The following CPS1 variants were observed in gnomAD, a reference collection of about 807,000 sequenced individuals.
CPS1 encodes the protein carbamoyl-phosphate synthase 1.
CPS1 carries 109 observed loss-of-function variants against 174.6 expected under a neutral mutation model. The observed-to-expected ratio is 0.62, with a 90% confidence interval of 0.53 to 0.73. The LOEUF (loss-of-function observed/expected upper bound fraction) is 0.73, where lower values mean the gene tolerates loss of function less well. Among genes scored for constraint, CPS1 ranks in the 30% least tolerant of loss-of-function variants. The pLI is 0.00. For missense variants in CPS1, 1,689 were observed against 1,821.9 expected (o/e 0.93, Z 1.33); for synonymous variants, 637 against 632.0 (o/e 1.01, Z -0.12).
intron 1 of CPS1, among the ~76,000 whole-genome samples, chr2:210,506,793 C>CCAGT: frequency 6.6e-6 from 1 of 151,988 alleles, no homozygotes; most frequent in Non-Finnish European, 1.5e-5. Flanking sequence ...GAAGATCAAA[C>CCAGT]GAATGAAATG....
chr2:210,677,005 A>G lies in CPS1; in HGVS notation c.4275-2A>G. ...TCTATAAGTTTTTGTTTATTTTTCC[A>G]GATTGATTAGAGATGGCAGCATTGA... On this transcript the variant is annotated splice_acceptor_variant, in intron 36 of 37. Coordinates refer to ENST00000233072, the MANE Select transcript of CPS1 (RefSeq NM_001875.5). LOFTEE classifies it high-confidence loss of function. 1 of 1,613,084 alleles carries G rather than the reference A, an allele frequency of 6.2e-7. No individual in the cohort carries two copies. Among genetic ancestry groups the G allele is most frequent in the Non-Finnish European group, 8.5e-7 (1 of 1,179,136 alleles).
At chr2:210,635,586 C>G (rs1049228260) in intron 21 of CPS1, among the ~76,000 whole-genome samples, 2 of 152,088 alleles carry the variant, frequency 1.3e-5, no homozygotes, top group South Asian at 4.1e-4. Context: ...ATTAGTTTTT[C>G]AATTTAAATA....
chr2:210,606,459 G>T (rs1698913405), intron 17 of CPS1, among the ~76,000 whole-genome samples: 2 of 151,864 alleles, frequency 1.3e-5, no homozygotes, highest in Non-Finnish European at 2.9e-5. Flanking sequence ...GAAGAGCAGG[G>T]AAGTTGAAGT....
intron 1 of CPS1, among the ~76,000 whole-genome samples, chr2:210,483,322 A>T (rs967211985): frequency 1.3e-5 from 2 of 152,308 alleles, no homozygotes; most frequent in Non-Finnish European, 1.5e-5. Context: ...ACTGTTTTCA[A>T]GACTTTACTG....
chr2:210,543,874 C>T (rs1016785088), intron 1 of CPS1, among the ~76,000 whole-genome samples: 2 of 151,968 alleles, frequency 1.3e-5, no homozygotes, highest in African/African-American at 4.8e-5. Flanking sequence ...AAAATTAGGA[C>T]GTCAAGAAAG....
intron 1 of CPS1, among the ~76,000 whole-genome samples, chr2:210,563,873 A>C (rs1427362571): frequency 1.3e-5 from 2 of 152,144 alleles, no homozygotes; most frequent in Non-Finnish European, 2.9e-5. Flanking sequence ...TTTCAAGGGG[A>C]ATGTAGCTGT....
chr2:210,614,928 A>G (rs1396539919), intron 20 of CPS1, among the ~76,000 whole-genome samples: 1 of 151,880 alleles, frequency 6.6e-6, no homozygotes, highest in Non-Finnish European at 1.5e-5. Flanking sequence ...AGAAATACCT[A>G]ATGTAGATGA....
chr2:210,565,317 C>G (rs1171346917), intron 1 of CPS1, among the ~76,000 whole-genome samples: 1 of 151,966 alleles, frequency 6.6e-6, no homozygotes, highest in African/African-American at 2.4e-5. Flanking sequence ...TATGAAGTAA[C>G]AAGAGAACAC....
intron 21 of CPS1, among the ~76,000 whole-genome samples, chr2:210,634,472 C>A (rs1239454826): frequency 6.6e-6 from 1 of 151,670 alleles, no homozygotes; most frequent in Non-Finnish European, 1.5e-5. Context: ...AAATTAATTT[C>A]TCTCTCTCTC....
intron 1 of CPS1, among the ~76,000 whole-genome samples, chr2:210,503,778 C>T (rs772455558): frequency 6.6e-6 from 1 of 151,878 alleles, no homozygotes; most frequent in South Asian, 2.1e-4. Context: ...TGGTAGCACC[C>T]GCCAAATCCA....
chr2:210,532,164 A>G (rs1161755950), intron 1 of CPS1, among the ~76,000 whole-genome samples: 1 of 152,130 alleles, frequency 6.6e-6, no homozygotes, highest in Non-Finnish European at 1.5e-5. Flanking sequence ...CCAGATCACA[A>G]AGAACTATGA....
chr2:210,536,348 T>G (rs1696251301), intron 1 of CPS1, among the ~76,000 whole-genome samples: 1 of 144,756 alleles, frequency 6.9e-6, no homozygotes, highest in Admixed American at 7.0e-5. Context: ...TGAGATGGAG[T>G]CTGGCTCTGT....
chr2:210,633,314 T>C (rs1326480414), intron 21 of CPS1, among the ~76,000 whole-genome samples: 3 of 152,204 alleles, frequency 2.0e-5, no homozygotes, highest in Admixed American at 6.5e-5. Context: ...CACTTCACTT[T>C]TTAATGCACA....
At chr2:210,576,605 A>C in intron 3 of CPS1, 115 bp downstream of exon 3, 2 of 1,088,498 alleles carry the variant, frequency 1.8e-6, no homozygotes, top group Non-Finnish European at 2.8e-6. Context: ...CAAATCATTA[A>C]GCTCATGTAT....
At chr2:210,601,439 A>G (rs1698722798) in intron 15 of CPS1, among the ~76,000 whole-genome samples, 1 of 151,982 alleles carries the variant, frequency 6.6e-6, no homozygotes, top group Non-Finnish European at 1.5e-5. Flanking sequence ...TGGGTTATGT[A>G]TGTTTCAGAA....
chr2:210,506,272 A>G (rs1210377087), intron 1 of CPS1, among the ~76,000 whole-genome samples: 1 of 152,174 alleles, frequency 6.6e-6, no homozygotes, highest in Non-Finnish European at 1.5e-5. Context: ...CCAGGCAAAC[A>G]GGGTCAGGAG....
At chr2:210,519,241 C>T (rs1695758370) in intron 1 of CPS1, among the ~76,000 whole-genome samples, 1 of 151,878 alleles carries the variant, frequency 6.6e-6, no homozygotes. Flanking sequence ...GCATTTTGCC[C>T]AAGGTGTAAT....
At chr2:210,606,209 T>C (rs1478405393) in intron 17 of CPS1, among the ~76,000 whole-genome samples, 1 of 151,834 alleles carries the variant, frequency 6.6e-6, no homozygotes, top group Non-Finnish European at 1.5e-5. Context: ...AGCTCATTCA[T>C]GTAAAGAATG....
chr2:210,579,871 T>C, intron 5 of CPS1, 101 bp downstream of exon 5: 1 of 960,132 alleles, frequency 1.0e-6, no homozygotes, highest in Non-Finnish European at 1.7e-6. Context: ...CATTAATATG[T>C]AAAGGAGTGA....
Sources: allele counts gnomAD v4.1 joint callset (sites outside exome capture counted in the v4.1 genomes callset), GRCh38; gene constraint gnomAD v4.1.1; transcripts MANE v1.5; gene names NCBI Gene and HGNC (gene_info 2026-07-23, HGNC 2026-07-21).